Variants in NUP214 observed in about 807,000 individuals in gnomAD.
The protein encoded by NUP214 is nuclear pore complex protein Nup214.
In NUP214, 79 loss-of-function variants were observed where a neutral mutation model predicts 196.2. The ratio of observed to expected loss-of-function variants is 0.40; its 90% CI spans 0.34 to 0.49. The LOEUF is 0.49. NUP214 is among the 20% of genes least tolerant of loss of function. The pLI is 0.58. For synonymous variants in NUP214, 1,020 were observed against 990.5 expected, an observed-to-expected ratio of 1.03 and a Z score of -0.56; for missense variants, 2,468 against 2,539.0, an observed-to-expected ratio of 0.97 and a Z score of 0.60.
rs771115847 is a variant in NUP214, at chr9:131,197,628, G to A, written c.4134G>A (p.Pro1378=). The A allele has an allele frequency of 4.8e-5, 77 of 1,613,904 alleles. No individual in the cohort carries two copies. Among genetic ancestry groups the A allele is most frequent in the African/African-American group, 1.1e-4 (8 of 74,862 alleles). Residue 1378 remains proline, a synonymous_variant, in exon 29 of 36, where the codon CCG becomes CCA. Coordinates refer to ENST00000359428, the MANE Select transcript of NUP214 (RefSeq NM_005085.4). ...VPSGFNFTAP[P]VLGKHTEPPV... Reference sequence around the variant, plus strand: ...CAGGGTTTAATTTTACTGCCCCCCCGGTGTTAGGGAAGCACACGGAGCCCC... The same window carrying A: ...CAGGGTTTAATTTTACTGCCCCCCCAGTGTTAGGGAAGCACACGGAGCCCC...
intron 17 of NUP214, among the ~76,000 whole-genome samples, chr9:131,153,966 T>C (rs1208034464): frequency 3.3e-5 from 5 of 152,168 alleles, no homozygotes; most frequent in Admixed American, 6.5e-5. Context: ...AGAAAAGAAG[T>C]ATTTGTGATA....
intron 24 of NUP214, among the ~76,000 whole-genome samples, chr9:131,184,026 C>CTTTTTTTTTT (rs776765956): frequency 1.4e-4 from 15 of 104,372 alleles, no homozygotes; most frequent in Admixed American, 2.2e-4. Flanking sequence ...TTTTCTTTTT[C>CTTTTTTTTTT]TTTTTTTTTT....
chr9:131,179,860 C>T (rs970938144), intron 24 of NUP214, among the ~76,000 whole-genome samples: 1 of 152,168 alleles, frequency 6.6e-6, no homozygotes, highest in Non-Finnish European at 1.5e-5. Context: ...GTGGTTGTTG[C>T]AAGCTTTTCA....
intron 4 of NUP214, among the ~76,000 whole-genome samples, chr9:131,130,161 T>TTTTTTTTTTG (rs1554728091): frequency 2.2e-5 from 3 of 136,412 alleles, no homozygotes; most frequent in Admixed American, 7.5e-5. Flanking sequence ...GTTTTTTTTT[T>TTTTTTTTTTG]GAGACAGAGT....
At chr9:131,160,893 T>TG (rs893155367) in intron 18 of NUP214, among the ~76,000 whole-genome samples, 2 of 152,126 alleles carry the variant, frequency 1.3e-5, no homozygotes, top group Non-Finnish European at 2.9e-5. Context: ...CTTGTCTCCA[T>TG]GGGCAGTGGG....
In NUP214 at chr9:131,127,711, A is replaced by G. The variant is rs763104198; in HGVS notation, c.233A>G (p.Asn78Ser). 3 of 1,612,998 alleles carry G rather than the reference A, an allele frequency of 1.9e-6. No homozygotes were observed. Among genetic ancestry groups the G allele is most frequent in the Non-Finnish European group, 1.7e-6 (2 of 1,179,132 alleles). ...LIQNKPGDDPNKIVDKVQGLL... is the reference protein window; with the variant it reads ...LIQNKPGDDPSKIVDKVQGLL... ...CAAAATAAACCCGGAGATGATCCCA[A>G]CAAAATAGGTAAGTTCCCTGGTTTA... Residue 78 changes from asparagine (N) to serine (S), a missense_variant, in exon 2 of 36, where the codon AAC (asparagine) becomes AGC (serine). Transcript: ENST00000359428.
chr9:131,186,968 G>C (rs1833464807), intron 24 of NUP214: 1 of 224,416 alleles, frequency 4.5e-6, no homozygotes, highest in African/African-American at 2.3e-5. Flanking sequence ...CTACAACAGG[G>C]GGAAGGGCCA....
At chr9:131,163,720 A>G (rs1832709329) in intron 19 of NUP214, 150 bp from the exon 20 acceptor site, 1 of 670,842 alleles carries the variant, frequency 1.5e-6, no homozygotes. Context: ...CACTTCTTTT[A>G]GATTAATTCC....
Position 131,150,367 on chromosome 9 carries a change from A to C in NUP214, c.2084A>C (p.Gln695Pro). The part of the protein sequence containing the change: ...QPAVAEKQGH[Q>P]WKDSDPVMAG... Reference sequence around the variant, plus strand: ...GCTGTTGCAGAAAAGCAGGGACATCAGTGGAAAGATTCAGATCCTGTAATG... The same window carrying C: ...GCTGTTGCAGAAAAGCAGGGACATCCGTGGAAAGATTCAGATCCTGTAATG... Residue 695 changes from glutamine (Q) to proline (P), a missense_variant, in exon 15 of 36, where the codon CAG becomes CCG. By Grantham distance (76) the Gln-to-Pro change is moderately conservative. Coordinates refer to ENST00000359428, the MANE Select transcript of NUP214 (RefSeq NM_005085.4). 6.2e-7 allele frequency: 1 copy of C among 1,614,198 alleles called. No homozygotes were observed. The highest frequency in any genetic ancestry group is 8.5e-7 in the Non-Finnish European group (1 of 1,180,014).
At chr9:131,192,799 G>A (rs1189409878) in intron 27 of NUP214, 1 of 152,690 alleles carries the variant, frequency 6.5e-6, no homozygotes, top group African/African-American at 2.4e-5. Context: ...AAATTAACCA[G>A]GTACGTTGGT....
In NUP214 at chr9:131,127,571, T is replaced by C. The variant is rs1342695216; in HGVS notation, c.93T>C (p.Pro31=). ...ALKKVRIFDS[P]EELPKERSSL... is the part of the protein sequence containing the mutation. ...AGAAGGTGAGAATCTTTGACTCCCC[T>C]GAGGAATTGCCCAAGGAACGCTCGA... The change falls in exon 2 of 36, where the codon CCT becomes CCC. Residue 31 remains proline, a synonymous_variant. Transcript: ENST00000359428. 5 of 1,613,994 alleles carry C rather than the reference T, an allele frequency of 3.1e-6. No individual in the cohort carries two copies. The highest frequency in any genetic ancestry group is 2.2e-5 in the East Asian group (1 of 44,898).
In NUP214 at chr9:131,232,415, T is replaced by C. The variant is rs560263566; in HGVS notation, c.6239+107T>C. Reference sequence around the variant, plus strand: ...GCATTTTCTTTTCGTTTTTTCCTGTTTTTAGAGTTTGTCCTGGAAGTGTGG... The same window carrying C: ...GCATTTTCTTTTCGTTTTTTCCTGTCTTTAGAGTTTGTCCTGGAAGTGTGG... On this transcript the variant is annotated intron_variant, in intron 35 of 35. Coordinates refer to ENST00000359428, the MANE Select transcript of NUP214 (RefSeq NM_005085.4). This position sits in a 1 kb window ranked among gnomAD's most constrained non-coding sequence, Gnocchi z 5.1. The C allele has an allele frequency of 2.0e-4, 244 of 1,220,654 alleles. 6 individuals carry two copies. Among genetic ancestry groups the C allele is most frequent in the South Asian group, 1.4e-3 (113 of 81,722 alleles). 75.6% of individuals were successfully genotyped at this position (1,220,654 alleles called of 1,614,324 possible).
chr9:131,174,182 G>A lies in NUP214; in HGVS notation c.3021G>A (p.Glu1007=), dbSNP rs772889418. The A allele has an allele frequency of 1.2e-6, 2 of 1,613,966 alleles. No homozygotes were observed. The highest frequency in any genetic ancestry group is 3.3e-5 in the Admixed American group (2 of 59,946). Residue 1007 remains glutamate, a synonymous_variant, in exon 22 of 36, where the codon GAG becomes GAA. Transcript: ENST00000359428. The stretch of plus-strand genomic sequence containing the variant: ...CACGGACGTCCTGTAAAGATGACGA[G>A]GCAGTGGTTCAGGCCCCTCGGCACG... ...EDARTSCKDD[E]AVVQAPRHAP...
rs772279283 is a variant in NUP214, at chr9:131,233,574, C to T, written c.*87C>T. ...AAATGCTGGAGCAGGCTGTTCAGAC[C>T]GACGTTGCCATCAAAACACATACAC... On this transcript the variant is annotated 3_prime_UTR_variant, in exon 36 of 36. Coordinates refer to ENST00000359428, the MANE Select transcript of NUP214 (RefSeq NM_005085.4). The T allele has an allele frequency of 5.4e-5, 80 of 1,483,542 alleles. No homozygotes were observed. Among genetic ancestry groups the T allele is most frequent in the Admixed American group, 1.0e-4 (6 of 57,980 alleles). The allele number at this position is 1,483,542 out of a possible 1,614,324, so 91.9% of individuals were successfully genotyped here.
rs1834852546 is a variant in NUP214, at chr9:131,230,748, G to A, written c.6193G>A (p.Gly2065Ser). The A allele has an allele frequency of 1.2e-6, 2 of 1,613,976 alleles. No homozygotes were observed. The highest frequency in any genetic ancestry group is 2.7e-5 in the African/African-American group (2 of 75,040). The change falls in exon 34 of 36, where the codon GGT (glycine) becomes AGT (serine). Residue 2065 changes from glycine (G) to serine (S), a missense_variant. By Grantham distance (56) the Gly-to-Ser change is moderately conservative. Transcript: ENST00000359428. ...TGGGACCCAGAGTAGCGGATTCTCT[G>A]GTTTTGGATCAGGCACAGGAGGTAA... ...GFGTQSSGFS[G>S]FGSGTGGFSF...
chr9:131,146,035 A>C lies in NUP214; in HGVS notation c.1770-94A>C, dbSNP rs919999287. ...TGTTATCTTTGTAAGTTAACATAAAAGATAATAAGTTATCTTTTGATGACA... is the reference window on the plus strand; with the variant it reads ...TGTTATCTTTGTAAGTTAACATAAACGATAATAAGTTATCTTTTGATGACA... On this transcript the variant is annotated intron_variant, in intron 12 of 35. Coordinates refer to ENST00000359428, the MANE Select transcript of NUP214 (RefSeq NM_005085.4). The surrounding 1 kb of genome is among the most constrained non-coding windows in gnomAD (Gnocchi z 4.6). The C allele has an allele frequency of 3.4e-6, 4 of 1,181,862 alleles. No individual in the cohort carries two copies. In the African/African-American group the frequency reaches 6.1e-5, roughly 18 times the overall value. 73.2% of individuals were successfully genotyped at this position (1,181,862 alleles called of 1,614,324 possible).
In NUP214 at chr9:131,174,180, G is replaced by A. The variant is rs767288782; in HGVS notation, c.3019G>A (p.Glu1007Lys). 8 of 1,613,794 alleles carry A rather than the reference G, an allele frequency of 5.0e-6. No homozygotes were observed. Among genetic ancestry groups the A allele is most frequent in the African/African-American group, 2.7e-5 (2 of 74,884 alleles). Residue 1007 changes from glutamate (E) to lysine (K), a missense_variant, in exon 22 of 36, where the codon GAG becomes AAG. Glu to Lys is a moderately conservative substitution (Grantham distance 56). Around this residue, in one of 5 missense-constraint regions of NUP214, gnomAD observed 1,801 missense variants for 1,779.4 expected, o/e 1.01. Coordinates refer to ENST00000359428, the MANE Select transcript of NUP214 (RefSeq NM_005085.4). ...TGCACGGACGTCCTGTAAAGATGAC[G>A]AGGCAGTGGTTCAGGCCCCTCGGCA... is the stretch of plus-strand genomic sequence containing the variant. ...EDARTSCKDD[E>K]AVVQAPRHAP... is the part of the protein sequence containing the mutation.
Position 131,228,342 on chromosome 9 carries a change from TG to T in NUP214, c.6074+15del. ...CGCAGGAGGATTCGGGTAAGCCCCC[TG>T]GGGAGGGCCCTTGGGAACCCACACG... is the stretch of plus-strand genomic sequence containing the variant. On this transcript the variant is annotated intron_variant, in intron 33 of 35. Coordinates refer to ENST00000359428, the MANE Select transcript of NUP214 (RefSeq NM_005085.4). 3 of 1,572,706 alleles carry T rather than the reference TG, an allele frequency of 1.9e-6. No individual in the cohort carries two copies. The highest frequency in any genetic ancestry group is 2.6e-6 in the Non-Finnish European group (3 of 1,166,458).
intron 30 of NUP214, among the ~76,000 whole-genome samples, chr9:131,208,243 G>GA (rs1834137582): frequency 6.6e-6 from 1 of 151,940 alleles, no homozygotes; most frequent in East Asian, 1.9e-4. Context: ...CAAAGGAATT[G>GA]AAAAAAAGGG....
Sources: gnomAD v4.1 joint callset for allele counts (sites outside exome capture counted in the v4.1 genomes callset) on GRCh38, gnomAD v4.1.1 for gene constraint, gnomAD v4.1.1 regional missense constraint, Gnocchi (gnomAD v3.1) non-coding constraint, MANE v1.5 for transcripts, NCBI Gene and HGNC (gene_info 2026-07-23, HGNC 2026-07-21) for gene names.